The following ACCSL variants were observed in gnomAD, a reference collection of about 807,000 sequenced individuals.
The protein encoded by ACCSL is 1-aminocyclopropane-1-carboxylate synthase homolog (inactive) like.
In ACCSL, 55 loss-of-function variants were observed where a neutral mutation model predicts 61.7. That is an observed-to-expected ratio of 0.89 (90% CI 0.72 to 1.12). The LOEUF (loss-of-function observed/expected upper bound fraction) is 1.12, where lower values mean the gene tolerates loss of function less well. Ranked by LOEUF, ACCSL falls within the 50% of genes most tolerant of loss-of-function variation. The pLI, the probability that ACCSL is intolerant of heterozygous loss-of-function variation, is 0.00. For missense variants in ACCSL, 632 were observed against 698.0 expected (o/e 0.91, Z 1.07); for synonymous variants, 258 against 264.3 (o/e 0.98, Z 0.23).
chr11:43,947,832 T>TG, the ACCSL span, among the ~76,000 whole-genome samples: 1 of 151,760 alleles, frequency 6.6e-6, no homozygotes, highest in Non-Finnish European at 1.5e-5. Context: ...TCCTGGATAA[T>TG]GGGGCTCAGA....
At chr11:43,945,788 G>T in the ACCSL span, 1 of 152,164 alleles carries the variant, frequency 6.6e-6, no homozygotes, top group East Asian at 1.9e-4. Flanking sequence ...GGTGGAGGCT[G>T]CAGTGAGCAG....
chr11:43,942,803 G>A, the ACCSL span: 2 of 801,812 alleles, frequency 2.5e-6, no homozygotes, highest in South Asian at 5.8e-5. Flanking sequence ...TCCCCCGCCC[G>A]GCGAGCCCCC....
intron 11 of ACCSL, among the ~76,000 whole-genome samples, chr11:44,058,090 T>C (rs1404417953): frequency 2.6e-5 from 4 of 152,184 alleles, no homozygotes; most frequent in African/African-American, 9.7e-5. Context: ...TGAGAATCAC[T>C]TGAGCCAAGG....
chr11:44,022,226 T>C, the ACCSL span, among the ~76,000 whole-genome samples: 1 of 152,208 alleles, frequency 6.6e-6, no homozygotes, highest in Non-Finnish European at 1.5e-5. Context: ...ATTTTCACAA[T>C]ATTGATTCTA....
chr11:44,047,870 T>C, upstream of ACCSL: 1 of 852,550 alleles, frequency 1.2e-6, no homozygotes, highest in East Asian at 2.6e-5. Flanking sequence ...ACCAATCTGG[T>C]CATATAACCA....
At chr11:44,025,795 T>C in the ACCSL span, among the ~76,000 whole-genome samples, 1 of 152,238 alleles carries the variant, frequency 6.6e-6, no homozygotes, top group Non-Finnish European at 1.5e-5. Flanking sequence ...TCTTCATTTC[T>C]GAAAGATAGT....
the ACCSL span, among the ~76,000 whole-genome samples, chr11:43,990,234 C>T: frequency 1.3e-5 from 2 of 152,224 alleles, no homozygotes; most frequent in Admixed American, 6.5e-5. Context: ...GTGCTTAGGA[C>T]GTTGCCTGGC....
the ACCSL span, among the ~76,000 whole-genome samples, chr11:43,960,411 CAG>C: frequency 1.3e-5 from 2 of 152,114 alleles, no homozygotes; most frequent in East Asian, 1.9e-4. Flanking sequence ...TGTTTGGAGA[CAG>C]AGTCTCACTC....
the ACCSL span, among the ~76,000 whole-genome samples, chr11:44,041,204 C>T: frequency 1.3e-5 from 2 of 152,166 alleles, no homozygotes; most frequent in African/African-American, 4.8e-5. Flanking sequence ...TATCTGGGGA[C>T]CTTGCTAAAT....
chr11:44,031,986 A>G, the ACCSL span, among the ~76,000 whole-genome samples: 1 of 152,208 alleles, frequency 6.6e-6, no homozygotes, highest in Non-Finnish European at 1.5e-5. Context: ...TCTCAGAGTC[A>G]GCATCGGTGA....
chr11:43,978,788 T>G, the ACCSL span, among the ~76,000 whole-genome samples: 2 of 94,676 alleles, frequency 2.1e-5, no homozygotes, highest in African/African-American at 5.0e-5. Flanking sequence ...GGTGGGTTTT[T>G]TTTTTTTTTT....
At chr11:43,959,680 GC>G in the ACCSL span, among the ~76,000 whole-genome samples, 8 of 152,154 alleles carry the variant, frequency 5.3e-5, no homozygotes, top group African/African-American at 1.7e-4. Context: ...TTCCCTGAGG[GC>G]CCTCCCAGCT....
At chr11:43,970,406 G>A in the ACCSL span, among the ~76,000 whole-genome samples, 1 of 152,192 alleles carries the variant, frequency 6.6e-6, no homozygotes, top group Admixed American at 6.5e-5. Context: ...GTTTCACCAT[G>A]GTGCTCAGGT....
the ACCSL span, among the ~76,000 whole-genome samples, chr11:43,989,010 C>G: frequency 1.3e-5 from 2 of 151,948 alleles, no homozygotes; most frequent in Non-Finnish European, 2.9e-5. Flanking sequence ...ATTGGTCCTC[C>G]CTGGGTTCTA....
At chr11:43,999,569 A>G in the ACCSL span, among the ~76,000 whole-genome samples, 34 of 152,206 alleles carry the variant, frequency 2.2e-4, no homozygotes, top group South Asian at 6.8e-3. Context: ...CCACCATGAC[A>G]CTCCGGCAAA....
chr11:43,982,900 G>T, the ACCSL span, among the ~76,000 whole-genome samples: 1 of 152,190 alleles, frequency 6.6e-6, no homozygotes, highest in East Asian at 1.9e-4. Context: ...GGTGGGCTGC[G>T]GTACAGCTGG....
the ACCSL span, chr11:43,942,894 C>T: frequency 7.4e-7 from 1 of 1,356,160 alleles, no homozygotes; most frequent in African/African-American, 1.5e-5. Context: ...CCCGCAGACG[C>T]CGGAGGCGCC....
chr11:43,985,767 A>G, the ACCSL span, among the ~76,000 whole-genome samples: 1 of 152,210 alleles, frequency 6.6e-6, no homozygotes. Flanking sequence ...GTCTAAAGAC[A>G]TCTCAGGCTG....
chr11:44,027,819 T>G, the ACCSL span, among the ~76,000 whole-genome samples: 1 of 152,236 alleles, frequency 6.6e-6, no homozygotes, highest in Non-Finnish European at 1.5e-5. Context: ...CCCATGACTT[T>G]GTGCTTAGGA....
Sources: allele counts gnomAD v4.1 joint callset (sites outside exome capture counted in the v4.1 genomes callset), GRCh38; gene constraint gnomAD v4.1.1; transcripts MANE v1.5; gene names NCBI Gene and HGNC (gene_info 2026-07-23, HGNC 2026-07-21).